The following MOCOS variants were observed in gnomAD, a reference collection of about 807,000 sequenced individuals.
MOCOS encodes human molybdenum cofactor sulfurase.
Under a neutral mutation model 83.6 loss-of-function variants are expected in MOCOS, and 86 were observed. That is an observed-to-expected ratio of 1.03 (90% CI 0.86 to 1.23). The LOEUF (loss-of-function observed/expected upper bound fraction) is 1.23, where lower values mean the gene tolerates loss of function less well. MOCOS is among the 50% of genes most tolerant of loss of function. The pLI is 0.00. For synonymous variants in MOCOS, 445 were observed against 434.7 expected (o/e 1.02, Z -0.29); for missense variants, 1,120 against 1,126.9 (o/e 0.99, Z 0.09).
chr18:36,198,566 T>A, intron 2 of MOCOS, 124 bp from the exon 3 acceptor site: 2 of 890,508 alleles, frequency 2.2e-6, no homozygotes, highest in Non-Finnish European at 3.7e-6. Context: ...AGGAGTGGAA[T>A]TGTTAGGTGA....
intron 8 of MOCOS, among the ~76,000 whole-genome samples, chr18:36,217,643 A>G (rs1489850539): frequency 6.6e-6 from 1 of 152,164 alleles, no homozygotes; most frequent in Non-Finnish European, 1.5e-5. Flanking sequence ...GCTCCTGCAA[A>G]GGGCAGGAGC....
intron 9 of MOCOS, among the ~76,000 whole-genome samples, chr18:36,247,151 A>G (rs183221248): frequency 5.6e-4 from 86 of 152,216 alleles, no homozygotes; most frequent in African/African-American, 1.9e-3. Context: ...GCTGGCATTG[A>G]AAGACCTCAC....
chr18:36,192,316 A>G (rs1444189773), intron 1 of MOCOS, among the ~76,000 whole-genome samples: 1 of 152,262 alleles, frequency 6.6e-6, no homozygotes, highest in African/African-American at 2.4e-5. Context: ...TACATTGGCA[A>G]TAGATACTAT....
intron 6 of MOCOS, among the ~76,000 whole-genome samples, chr18:36,207,708 C>T (rs1598874915): frequency 7.1e-6 from 1 of 141,636 alleles, no homozygotes; most frequent in Non-Finnish European, 1.5e-5. Flanking sequence ...TTATTAGATG[C>T]ATAGTTTGCA....
rs140350056 is a variant in MOCOS, at chr18:36,187,497, G to C, written c.-43G>C. 1 of 1,226,390 alleles carries C rather than the reference G, an allele frequency of 8.2e-7. No individual in the cohort carries two copies. Among genetic ancestry groups the C allele is most frequent in the Non-Finnish European group, 1.0e-6 (1 of 984,008 alleles). 76.0% of individuals were successfully genotyped at this position (1,226,390 alleles called of 1,614,324 possible). ...CGGAGTCGCCGGGGGCCGGCTTCGCGCACTTCCCGGGCCCGGCCGGCCTGG... is the reference window on the plus strand; with the variant it reads ...CGGAGTCGCCGGGGGCCGGCTTCGCCCACTTCCCGGGCCCGGCCGGCCTGG... On this transcript the variant is annotated 5_prime_UTR_variant, in exon 1 of 15. Coordinates refer to ENST00000261326, the MANE Select transcript of MOCOS (RefSeq NM_017947.4).
chr18:36,238,938 C>T (rs1314135717), intron 9 of MOCOS, among the ~76,000 whole-genome samples: 1 of 150,324 alleles, frequency 6.7e-6, no homozygotes, highest in Admixed American at 6.7e-5. Flanking sequence ...TCTGTTTTAT[C>T]AGAGACTAGG....
At chr18:36,198,839 G>A in intron 3 of MOCOS, 83 bp downstream of exon 3, 1 of 1,462,554 alleles carries the variant, frequency 6.8e-7, no homozygotes, top group Non-Finnish European at 9.6e-7. Flanking sequence ...TCCCACAAAA[G>A]TTCTGAGTTG....
intron 9 of MOCOS, among the ~76,000 whole-genome samples, chr18:36,226,882 G>A (rs1392990652): frequency 7.1e-6 from 1 of 140,648 alleles, no homozygotes; most frequent in African/African-American, 2.5e-5. Flanking sequence ...TATTCATGAT[G>A]TGTATCTTTT....
chr18:36,268,188 G>A (rs35959708), intron 14 of MOCOS, among the ~76,000 whole-genome samples: 8,018 of 152,242 alleles, frequency 0.053, 286 homozygotes, highest in Non-Finnish European at 0.076. Flanking sequence ...TTTACATCAG[G>A]CAGCAAACAG....
At chr18:36,207,664 T>C (rs1476786485) in intron 6 of MOCOS, among the ~76,000 whole-genome samples, 3 of 152,164 alleles carry the variant, frequency 2.0e-5, no homozygotes, top group African/African-American at 4.8e-5. Flanking sequence ...TGCTTATTGA[T>C]TTAAGTTCCT....
intron 9 of MOCOS, 86 bp downstream of exon 9, chr18:36,220,303 A>G (rs2091491399): frequency 6.5e-7 from 1 of 1,532,792 alleles, no homozygotes; most frequent in Non-Finnish European, 8.9e-7. Flanking sequence ...TGTTAGAATA[A>G]CCCATCAGCC....
At chr18:36,190,752 AAAAACAAAAAAACAAAAC>A (rs957735529) in intron 1 of MOCOS, among the ~76,000 whole-genome samples, 1 of 152,010 alleles carries the variant, frequency 6.6e-6, no homozygotes, top group African/African-American at 2.4e-5. Context: ...CTGTCTCAAA[AAAAACAAAAAAACAAAAC>A]AAAACAAAAA....
intron 9 of MOCOS, among the ~76,000 whole-genome samples, chr18:36,234,777 G>A (rs1222206002): frequency 5.3e-5 from 8 of 152,106 alleles, no homozygotes; most frequent in Non-Finnish European, 1.2e-4. Context: ...GTTTTAAATG[G>A]CCGGGGAAGC....
At chr18:36,260,009 A>G (rs768415635) in intron 12 of MOCOS, 28 bp from the exon 13 acceptor site, 3 of 1,613,804 alleles carry the variant, frequency 1.9e-6, no homozygotes, top group South Asian at 2.2e-5. Context: ...TCCTCCCCCT[A>G]CTTACTCTTT....
At position 36,215,627 on chromosome 18, in the gene MOCOS, A is replaced by C. The variant is rs773888371; in HGVS notation, c.1447A>C (p.Arg483=). ...STLDDVQAFL[R]FIIDTRLHSS... is the part of the protein sequence containing the mutation. ...GCTGGATGATGTCCAGGCCTTTCTTAGGTTCATCATAGACACTCGCCTGCA... is the reference window on the plus strand; with the variant it reads ...GCTGGATGATGTCCAGGCCTTTCTTCGGTTCATCATAGACACTCGCCTGCA... Residue 483 remains arginine, a synonymous_variant, in exon 8 of 15, where the codon AGG becomes CGG. Coordinates refer to ENST00000261326, the MANE Select transcript of MOCOS (RefSeq NM_017947.4). 9.9e-6 allele frequency: 16 copies of C among 1,614,012 alleles called. No homozygotes were observed. The highest frequency in any genetic ancestry group is 1.6e-4 in the Middle Eastern group (1 of 6,084).
At chr18:36,244,519 T>C (rs911468303) in intron 9 of MOCOS, among the ~76,000 whole-genome samples, 1 of 152,288 alleles carries the variant, frequency 6.6e-6, no homozygotes, top group Admixed American at 6.5e-5. Flanking sequence ...CTTAAATGTA[T>C]TGAGACTTGT....
chr18:36,231,873 T>C (rs73946795), intron 9 of MOCOS, among the ~76,000 whole-genome samples: 17,079 of 152,226 alleles, frequency 0.11, 1,051 homozygotes, highest in Non-Finnish European at 0.13. Flanking sequence ...GCACTGATAA[T>C]GATGAAGAAA....
At position 36,260,165 on chromosome 18, in the gene MOCOS, T is replaced by C; in HGVS notation, c.2399T>C (p.Leu800Ser). 4.3e-6 allele frequency: 7 copies of C among 1,614,160 alleles called. No individual in the cohort carries two copies. Among genetic ancestry groups the C allele is most frequent in the Non-Finnish European group, 5.9e-6 (7 of 1,180,004 alleles). The change falls in exon 13 of 15, where the codon TTG becomes TCG. Residue 800 changes from leucine (L) to serine (S), a missense_variant. Leu to Ser is a moderately radical substitution (Grantham distance 145). Coordinates refer to ENST00000261326, the MANE Select transcript of MOCOS (RefSeq NM_017947.4). ...TGGGATGAGATTTCAATTGGCTCTT[T>C]GCGTTTCCAGGTAAGTTTGGGGAAG... is the stretch of plus-strand genomic sequence containing the variant. ...EKWDEISIGS[L>S]RFQVLGPCHR...
At chr18:36,237,419 T>C in intron 9 of MOCOS, among the ~76,000 whole-genome samples, 1 of 152,236 alleles carries the variant, frequency 6.6e-6, no homozygotes, top group Non-Finnish European at 1.5e-5. Flanking sequence ...GCTCTGTTTA[T>C]ATGCTGGATT....
Sources: gnomAD v4.1 joint callset for allele counts (sites outside exome capture counted in the v4.1 genomes callset) on GRCh38, gnomAD v4.1.1 for gene constraint, MANE v1.5 for transcripts, NCBI Gene and HGNC (gene_info 2026-07-23, HGNC 2026-07-21) for gene names.